MICU2: variants seen among roughly 807,000 people sequenced by gnomAD.
The protein encoded by MICU2 is calcium uptake protein 2, mitochondrial.
MICU2 carries 64 observed loss-of-function variants against 60.4 expected under a neutral mutation model. That is an observed-to-expected ratio of 1.06 (90% CI 0.87 to 1.31). The LOEUF is 1.31. Among genes scored for constraint, MICU2 ranks in the 50% most tolerant of loss-of-function variants. MICU2 has a pLI of 0.00. For synonymous variants in MICU2, 201 were observed against 175.0 expected (o/e 1.15, Z -1.17); for missense variants, 569 against 531.0 (o/e 1.07, Z -0.70).
chr13:21,500,284 G>C (rs936570841), intron 9 of MICU2, among the ~76,000 whole-genome samples: 2 of 152,238 alleles, frequency 1.3e-5, no homozygotes, highest in Admixed American at 1.3e-4. Context: ...CCATGAAACT[G>C]TGCAGGCTAA....
At chr13:21,592,270 T>C (rs1176868728) in intron 1 of MICU2, among the ~76,000 whole-genome samples, 1 of 152,030 alleles carries the variant, frequency 6.6e-6, no homozygotes, top group African/African-American at 2.4e-5. Context: ...CTAGAAGAAA[T>C]GGATAAATTC....
At chr13:21,539,920 C>A (rs954801690) in intron 2 of MICU2, among the ~76,000 whole-genome samples, 2 of 152,170 alleles carry the variant, frequency 1.3e-5, no homozygotes, top group African/African-American at 4.8e-5. Context: ...ATTTCACTCA[C>A]CCTATTTCAT....
At chr13:21,595,725 A>T (rs1195999315) in intron 1 of MICU2, among the ~76,000 whole-genome samples, 2 of 152,202 alleles carry the variant, frequency 1.3e-5, no homozygotes, top group Admixed American at 1.3e-4. Flanking sequence ...GTGCCATCTG[A>T]CAAGTTTCTT....
chr13:21,530,993 A>C, intron 4 of MICU2: 1 of 790,510 alleles, frequency 1.3e-6, no homozygotes, highest in Non-Finnish European at 2.3e-6. Context: ...TGATTAAACT[A>C]GTACCACATA....
At chr13:21,576,371 C>T (rs1432280503) in intron 1 of MICU2, among the ~76,000 whole-genome samples, 1 of 152,074 alleles carries the variant, frequency 6.6e-6, no homozygotes, top group African/African-American at 2.4e-5. Context: ...TGCAAAAAGA[C>T]TTCCTGGAAA....
At chr13:21,556,113 T>C (rs1356774263) in intron 2 of MICU2, among the ~76,000 whole-genome samples, 2 of 152,128 alleles carry the variant, frequency 1.3e-5, no homozygotes, top group Non-Finnish European at 2.9e-5. Flanking sequence ...CTTTTGTTTT[T>C]CCCCCATTTT....
chr13:21,590,550 C>G (rs988943742), intron 1 of MICU2, among the ~76,000 whole-genome samples: 62 of 152,328 alleles, frequency 4.1e-4, no homozygotes, highest in African/African-American at 1.5e-3. Context: ...TCTTATTCTT[C>G]ACACCCAGGA....
chr13:21,531,841 C>A (rs1382554025), intron 4 of MICU2, among the ~76,000 whole-genome samples: 2 of 152,126 alleles, frequency 1.3e-5, no homozygotes, highest in Non-Finnish European at 2.9e-5. Context: ...AAAACAAAAA[C>A]AAACGAACAA....
At chr13:21,603,814 G>A (rs1195644406) in intron 1 of MICU2, 125 bp downstream of exon 1, 2 of 1,106,026 alleles carry the variant, frequency 1.8e-6, no homozygotes, top group Non-Finnish European at 2.6e-6. Context: ...AGGGCGCTCC[G>A]ATCCGCAGCG....
At chr13:21,569,412 G>C (rs772048645) in intron 1 of MICU2, among the ~76,000 whole-genome samples, 4 of 152,022 alleles carry the variant, frequency 2.6e-5, no homozygotes, top group Non-Finnish European at 5.9e-5. Flanking sequence ...TCTGCTTATA[G>C]AGTACAAAAC....
intron 8 of MICU2, 123 bp downstream of exon 8, chr13:21,509,881 C>A: frequency 1.9e-6 from 1 of 529,152 alleles, no homozygotes. Context: ...TACACAGATC[C>A]ACAAAATCCA....
At chr13:21,504,035 T>C (rs7328675) in intron 8 of MICU2, among the ~76,000 whole-genome samples, 25,947 of 152,106 alleles carry the variant, frequency 0.17, 2,974 homozygotes, top group Non-Finnish European at 0.26. Context: ...AGGAGTTTGA[T>C]CTTAGACTTC....
intron 4 of MICU2, among the ~76,000 whole-genome samples, chr13:21,528,598 TTC>T (rs1593327675): frequency 6.6e-6 from 1 of 152,188 alleles, no homozygotes; most frequent in African/African-American, 2.4e-5. Flanking sequence ...AATTCTACTG[TTC>T]TCTGTTTGTT....
intron 1 of MICU2, among the ~76,000 whole-genome samples, chr13:21,589,403 A>C (rs1888525645): frequency 6.6e-6 from 1 of 152,146 alleles, no homozygotes; most frequent in African/African-American, 2.4e-5. Flanking sequence ...ACTATCCTCC[A>C]CCTTATCCAG....
chr13:21,525,886 C>G (rs990732215), intron 4 of MICU2, among the ~76,000 whole-genome samples: 1 of 150,946 alleles, frequency 6.6e-6, no homozygotes, highest in African/African-American at 2.4e-5. Context: ...TTCTTTGATT[C>G]ACAAATGTTC....
chr13:21,532,759 G>T (rs1229079875), intron 4 of MICU2, among the ~76,000 whole-genome samples: 1 of 152,176 alleles, frequency 6.6e-6, no homozygotes, highest in Non-Finnish European at 1.5e-5. Flanking sequence ...CATTGAATTG[G>T]TAACAAGGAG....
intron 2 of MICU2, among the ~76,000 whole-genome samples, chr13:21,550,983 T>C (rs976215597): frequency 2.0e-5 from 3 of 152,240 alleles, no homozygotes; most frequent in Non-Finnish European, 4.4e-5. Flanking sequence ...TTCACTTATG[T>C]GTGTGGACTC....
intron 5 of MICU2, among the ~76,000 whole-genome samples, chr13:21,522,132 C>CT (rs111302250): frequency 3.9e-5 from 6 of 152,316 alleles, no homozygotes; most frequent in African/African-American, 1.4e-4. Context: ...ATGAACTACA[C>CT]TATCGACTTA....
chr13:21,541,211 G>A (rs1887274301), intron 2 of MICU2, among the ~76,000 whole-genome samples: 1 of 151,840 alleles, frequency 6.6e-6, no homozygotes, highest in Admixed American at 6.6e-5. Context: ...GGTGTTATCT[G>A]TTTGAAGGCT....
Sources: gnomAD v4.1 joint callset for allele counts (sites outside exome capture counted in the v4.1 genomes callset) on GRCh38, gnomAD v4.1.1 for gene constraint, MANE v1.5 for transcripts, NCBI Gene and HGNC (gene_info 2026-07-23, HGNC 2026-07-21) for gene names.